Variants in ZEB1 observed in about 807,000 individuals in gnomAD.
ZEB1 encodes zinc finger E-box-binding homeobox 1.
ZEB1 carries 21 observed loss-of-function variants against 84.9 expected under a neutral mutation model. That is an observed-to-expected ratio of 0.25 (90% CI 0.18 to 0.36). The LOEUF (loss-of-function observed/expected upper bound fraction) is 0.36. Among genes scored for constraint, ZEB1 ranks in the 10% least tolerant of loss-of-function variants. The pLI, the probability that ZEB1 is intolerant of heterozygous loss-of-function variation, is 1.00. For synonymous variants in ZEB1, 420 were observed against 471.1 expected (o/e 0.89, Z 1.41); for missense variants, 1,104 against 1,330.2 (o/e 0.83, Z 2.65).
chr10:31,399,895 G>A (rs1459229375), intron 1 of ZEB1, among the ~76,000 whole-genome samples: 1 of 152,176 alleles, frequency 6.6e-6, no homozygotes, highest in Non-Finnish European at 1.5e-5. Flanking sequence ...CTTAGAACAT[G>A]CCAGGCAAGT....
chr10:31,326,254 G>T (rs1287220654), intron 1 of ZEB1, among the ~76,000 whole-genome samples: 1 of 152,016 alleles, frequency 6.6e-6, no homozygotes. Flanking sequence ...CTGAACCTGG[G>T]CTCAGGGTAA....
At chr10:31,458,333 GT>G (rs1564947360) in intron 1 of ZEB1, among the ~76,000 whole-genome samples, 8 of 109,464 alleles carry the variant, frequency 7.3e-5, no homozygotes, top group African/African-American at 5.7e-4. Context: ...GTGTGTGTGT[GT>G]GTTGTGTGTG....
chr10:31,391,278 A>T (rs28446987), intron 1 of ZEB1, among the ~76,000 whole-genome samples: 13,241 of 94,284 alleles, frequency 0.14, 1,915 homozygotes, highest in African/African-American at 0.49. Flanking sequence ...TGTGTGTGTG[A>T]GATCCAATAA....
chr10:31,400,179 A>G (rs1564723472), intron 1 of ZEB1, among the ~76,000 whole-genome samples: 1 of 152,164 alleles, frequency 6.6e-6, no homozygotes, highest in Non-Finnish European at 1.5e-5. Flanking sequence ...CCACTAGAAT[A>G]TAAAGGCTTT....
intron 1 of ZEB1, among the ~76,000 whole-genome samples, chr10:31,439,329 A>T (rs1019588345): frequency 2.6e-5 from 4 of 152,190 alleles, no homozygotes; most frequent in African/African-American, 9.7e-5. Flanking sequence ...ACATGTGTTA[A>T]TTTGCACGGT....
chr10:31,366,372 T>G (rs1323783459), intron 1 of ZEB1, among the ~76,000 whole-genome samples: 2 of 152,224 alleles, frequency 1.3e-5, no homozygotes, highest in African/African-American at 4.8e-5. Context: ...CAGGCTCCTC[T>G]CAAACTCCTG....
chr10:31,479,278 G>A (rs2064724373), intron 2 of ZEB1, among the ~76,000 whole-genome samples: 1 of 151,882 alleles, frequency 6.6e-6, no homozygotes, highest in East Asian at 1.9e-4. Flanking sequence ...AGATGAGATG[G>A]CTTCATTGGT....
At chr10:31,459,263 G>A (rs1183353945) in intron 1 of ZEB1, among the ~76,000 whole-genome samples, 2 of 151,970 alleles carry the variant, frequency 1.3e-5, no homozygotes, top group Non-Finnish European at 2.9e-5. Context: ...TAATATAAGT[G>A]GCAAAGCAGT....
chr10:31,469,029 A>C (rs1207855936), intron 2 of ZEB1, among the ~76,000 whole-genome samples: 1 of 152,234 alleles, frequency 6.6e-6, no homozygotes, highest in East Asian at 1.9e-4. Context: ...GCAACTAGAG[A>C]AACAATCTAA....
intron 1 of ZEB1, among the ~76,000 whole-genome samples, chr10:31,450,011 G>A (rs2060355174): frequency 6.6e-6 from 1 of 152,168 alleles, no homozygotes; most frequent in Admixed American, 6.5e-5. Context: ...TGTGATTTGA[G>A]CCAGGCAGTT....
intron 1 of ZEB1, among the ~76,000 whole-genome samples, chr10:31,452,426 G>A (rs1028174261): frequency 3.3e-5 from 5 of 152,000 alleles, no homozygotes; most frequent in Non-Finnish European, 7.4e-5. Flanking sequence ...TTATAGACAA[G>A]CTCCTCTTTC....
chr10:31,507,072 T>C (rs928521138), intron 4 of ZEB1, among the ~76,000 whole-genome samples: 1 of 152,138 alleles, frequency 6.6e-6, no homozygotes, highest in Non-Finnish European at 1.5e-5. Context: ...TTTATTTCTC[T>C]TTCATTTATG....
In ZEB1 at chr10:31,528,615, G is replaced by C. The variant is rs1389876753; in HGVS notation, c.*1351G>C. The C allele has an allele frequency of 6.6e-6, 1 of 151,870 alleles. No individual in the cohort carries two copies. The allele number at this position is 151,870 out of a possible 1,614,324, so 9.4% of individuals were successfully genotyped here. ...CTTCTTACTGACATATGTACTTTTA[G>C]TTTTAGAAAACTTTTATATTTATGT... is the stretch of plus-strand genomic sequence containing the variant. On this transcript the variant is annotated 3_prime_UTR_variant, in exon 9 of 9. Coordinates refer to ENST00000424869, the MANE Select transcript of ZEB1 (RefSeq NM_001174096.2).
intron 1 of ZEB1, among the ~76,000 whole-genome samples, chr10:31,455,919 A>C (rs1329933440): frequency 5.3e-5 from 8 of 152,212 alleles, no homozygotes. Flanking sequence ...ATATACCCAA[A>C]GGATTATAAA....
At chr10:31,495,066 T>A (rs1016620985) in intron 2 of ZEB1, among the ~76,000 whole-genome samples, 1 of 152,026 alleles carries the variant, frequency 6.6e-6, no homozygotes, top group Non-Finnish European at 1.5e-5. Flanking sequence ...CCAAGTTAAA[T>A]GAGCAAGAGT....
At chr10:31,435,750 A>G (rs1278289094) in intron 1 of ZEB1, among the ~76,000 whole-genome samples, 1 of 152,250 alleles carries the variant, frequency 6.6e-6, no homozygotes, top group Non-Finnish European at 1.5e-5. Flanking sequence ...GGAGCCTTGC[A>G]GGAATGATGG....
intron 1 of ZEB1, among the ~76,000 whole-genome samples, chr10:31,442,329 G>A (rs138349975): frequency 4.1e-4 from 62 of 151,754 alleles, no homozygotes; most frequent in Non-Finnish European, 7.5e-4. Context: ...AACACTGTAC[G>A]TTCTCACTCT....
chr10:31,471,291 C>A (rs1391068950), intron 2 of ZEB1, among the ~76,000 whole-genome samples: 1 of 119,396 alleles, frequency 8.4e-6, no homozygotes, highest in African/African-American at 3.4e-5. Context: ...GAGTCAAGAC[C>A]CATCAGTGTG....
rs3086583 is a variant in ZEB1 at position 31,527,412 on chromosome 10, AACACACACACACACACACACACACACAC to A, written c.*162_*189del. The A allele has an allele frequency of 2.5e-5, 13 of 515,644 alleles. No homozygotes were observed. The highest frequency in any genetic ancestry group is 4.0e-5 in the Non-Finnish European group (12 of 301,826). 31.9% of individuals were successfully genotyped at this position (515,644 alleles called of 1,614,324 possible). ...AAAACTAAAAAAATACAAAATACAA[AACACACACACACACACACACACACACAC>A]ACACACACACACAAAATAAATCCGG... On this transcript the variant is annotated 3_prime_UTR_variant, in exon 9 of 9. Coordinates refer to ENST00000424869, the MANE Select transcript of ZEB1 (RefSeq NM_001174096.2).
Sources: allele counts gnomAD v4.1 joint callset (sites outside exome capture counted in the v4.1 genomes callset), GRCh38; gene constraint gnomAD v4.1.1; transcripts MANE v1.5; gene names NCBI Gene and HGNC (gene_info 2026-07-23, HGNC 2026-07-21).